NIT2: variants seen among roughly 807,000 people sequenced by gnomAD.
NIT2 encodes omega-amidase NIT2.
NIT2 carries 46 observed loss-of-function variants against 42.7 expected under a neutral mutation model. That is an observed-to-expected ratio of 1.08 (90% CI 0.85 to 1.38). The LOEUF (loss-of-function observed/expected upper bound fraction) is 1.38. Among genes scored for constraint, NIT2 ranks in the 40% most tolerant of loss-of-function variants. The pLI, the probability that NIT2 is intolerant of heterozygous loss-of-function variation, is 0.00. For missense variants in NIT2, 309 were observed against 342.5 expected, an observed-to-expected ratio of 0.90 and a Z score of 0.77; for synonymous variants, 123 against 121.9, an observed-to-expected ratio of 1.01 and a Z score of -0.06.
chr3:100,356,672 A>G lies in NIT2; in HGVS notation c.*1404A>G, dbSNP rs1706327969. 6.6e-6 allele frequency: 1 copy of G among 152,232 alleles called. No homozygotes were observed. 9.4% of individuals were successfully genotyped at this position (152,232 alleles called of 1,614,324 possible). Reference sequence around the variant, plus strand: ...AATTGATGCATAATTTTACTTTAAAAAAATAAGTGTGCAATTTGGTAAACT... The same window carrying G: ...AATTGATGCATAATTTTACTTTAAAGAAATAAGTGTGCAATTTGGTAAACT... On this transcript the variant is annotated 3_prime_UTR_variant, in exon 10 of 10. Transcript: ENST00000394140.
Position 100,357,988 on chromosome 3 carries a change from G to T in NIT2, c.*2720G>T, listed in dbSNP as rs1243865571. 6.6e-6 allele frequency: 1 copy of T among 152,104 alleles called. No homozygotes were observed. Among genetic ancestry groups the T allele is most frequent in the South Asian group, 2.1e-4 (1 of 4,834 alleles). 9.4% of individuals were successfully genotyped at this position (152,104 alleles called of 1,614,324 possible). ...AAATGGGGTTTCACCATGTTGGCCA[G>T]TCTGATCTCGAACTCCTGGCCTCAA... is the stretch of plus-strand genomic sequence containing the variant. On this transcript the variant is annotated 3_prime_UTR_variant, in exon 10 of 10. Coordinates refer to ENST00000394140, the MANE Select transcript of NIT2 (RefSeq NM_020202.5).
chr3:100,342,107 A>G (rs1271744888), intron 4 of NIT2, among the ~76,000 whole-genome samples: 1 of 152,032 alleles, frequency 6.6e-6, no homozygotes, highest in African/African-American at 2.4e-5. Flanking sequence ...CCCTTTTATC[A>G]TTATGAAATA....
intron 6 of NIT2, among the ~76,000 whole-genome samples, chr3:100,347,717 C>T (rs1373059321): frequency 6.6e-6 from 1 of 152,232 alleles, no homozygotes; most frequent in East Asian, 1.9e-4. Flanking sequence ...TGACCTTGAC[C>T]CCAGCCAGTG....
intron 6 of NIT2, among the ~76,000 whole-genome samples, chr3:100,347,565 GAC>G (rs1331103571): frequency 2.4e-4 from 36 of 152,080 alleles, no homozygotes; most frequent in Non-Finnish European, 2.9e-4. Flanking sequence ...AAGTAGCTGG[GAC>G]TCTAGGCATG....
intron 2 of NIT2, among the ~76,000 whole-genome samples, 200 bp downstream of exon 2, chr3:100,339,405 G>A (rs753310412): frequency 2.0e-5 from 3 of 152,120 alleles, no homozygotes; most frequent in Non-Finnish European, 4.4e-5. Context: ...TAGGTCTTTA[G>A]GTTTTGGATC....
rs369351944 is a variant in NIT2, at chr3:100,360,590, G to T, written c.*5322G>T. 2.0e-5 allele frequency: 3 copies of T among 152,138 alleles called. No individual in the cohort carries two copies. The highest frequency in any genetic ancestry group is 7.2e-5 in the African/African-American group (3 of 41,424). The allele number at this position is 152,138 out of a possible 1,614,324, so 9.4% of individuals were successfully genotyped here. A position where few individuals can be genotyped will look rare whatever the true frequency, so the allele number is the denominator to read the frequency against. The stretch of plus-strand genomic sequence containing the variant: ...TAAACTGTATCAAAAAAAAAATGCA[G>T]TATTGATTTAGAGCTAAGGTCACCT... On this transcript the variant is annotated 3_prime_UTR_variant, in exon 10 of 10. Transcript: ENST00000394140.
chr3:100,356,235 G>A lies in NIT2; in HGVS notation c.*967G>A, dbSNP rs1706324097. Reference sequence around the variant, plus strand: ...GACTTCAATGGGTTTTTGCTTACATGGGCCAGTAATTGTTGAACAACCAGC... The same window carrying A: ...GACTTCAATGGGTTTTTGCTTACATAGGCCAGTAATTGTTGAACAACCAGC... On this transcript the variant is annotated 3_prime_UTR_variant, in exon 10 of 10. Coordinates refer to ENST00000394140, the MANE Select transcript of NIT2 (RefSeq NM_020202.5). 6.6e-6 allele frequency: 1 copy of A among 152,092 alleles called. No homozygotes were observed. The highest frequency in any genetic ancestry group is 2.4e-5 in the African/African-American group (1 of 41,402). 9.4% of individuals were successfully genotyped at this position (152,092 alleles called of 1,614,324 possible).
rs886645084 is a variant in NIT2, at chr3:100,360,909, A to G, written c.*5641A>G. ...AAAATAGTGTTTCCCTCTAATGCGA[A>G]AGTCAGGCCAGTTTGCTTGTGACCT... On this transcript the variant is annotated 3_prime_UTR_variant, in exon 10 of 10. Transcript: ENST00000394140. 6.6e-6 allele frequency: 1 copy of G among 152,214 alleles called. No homozygotes were observed. The highest frequency in any genetic ancestry group is 2.4e-5 in the African/African-American group (1 of 41,458). The allele number at this position is 152,214 out of a possible 1,614,324, so 9.4% of individuals were successfully genotyped here. A position where few individuals can be genotyped will look rare whatever the true frequency, so the allele number is the denominator to read the frequency against.
chr3:100,334,957 T>TGGACGGGC, intron 1 of NIT2, 159 bp downstream of exon 1: 1 of 717,666 alleles, frequency 1.4e-6, no homozygotes, highest in South Asian at 2.3e-5. Flanking sequence ...CGGGATCGCG[T>TGGACGGGC]GGCCGGGCGG....
intron 3 of NIT2, 130 bp from the exon 4 acceptor site, chr3:100,340,943 A>C: frequency 1.6e-6 from 1 of 634,736 alleles, no homozygotes; most frequent in Non-Finnish European, 2.8e-6. Flanking sequence ...TTCTAAAAAC[A>C]AAATGAATAA....
At chr3:100,354,900 A>G (rs936143021) in intron 9 of NIT2, 73 bp downstream of exon 9, 8 of 1,287,380 alleles carry the variant, frequency 6.2e-6, no homozygotes, top group African/African-American at 4.5e-5. Context: ...ATGGCTGGGA[A>G]GTCCCTGTCA....
intron 4 of NIT2, among the ~76,000 whole-genome samples, chr3:100,344,913 T>C (rs1175703414): frequency 1.3e-5 from 2 of 151,420 alleles, no homozygotes; most frequent in African/African-American, 4.9e-5. Context: ...ACTTTCCACC[T>C]CTCCTGTCAA....
chr3:100,353,888 T>G (rs1403870043), intron 8 of NIT2, among the ~76,000 whole-genome samples: 2 of 151,762 alleles, frequency 1.3e-5, no homozygotes, highest in African/African-American at 4.8e-5. Context: ...GCCATTCTCC[T>G]GCCTCAGCCT....
In NIT2 at chr3:100,355,255, T is replaced by C; in HGVS notation, c.818T>C (p.Met273Thr). The C allele has an allele frequency of 6.2e-7, 1 of 1,613,320 alleles. No individual in the cohort carries two copies. Among genetic ancestry groups the C allele is most frequent in the Non-Finnish European group, 8.5e-7 (1 of 1,179,378 alleles). Residue 273 changes from methionine to threonine, a missense_variant, in exon 10 of 10, where the codon ATG (methionine) becomes ACG (threonine). Coordinates refer to ENST00000394140, the MANE Select transcript of NIT2 (RefSeq NM_020202.5). ...CGATCAGACCTCTATGCTGTGGAGA[T>C]GAAAAAGCCCTAAAGTTTATGTTTC... ...QKRSDLYAVEMKKP is the reference protein window; with the variant it reads ...QKRSDLYAVETKKP
intron 1 of NIT2, among the ~76,000 whole-genome samples, chr3:100,338,163 T>C (rs552468491): frequency 2.0e-5 from 3 of 152,306 alleles, no homozygotes; most frequent in African/African-American, 7.2e-5. Flanking sequence ...GATGTATAGC[T>C]ACTACCTCCA....
At chr3:100,337,005 G>A (rs1359800326) in intron 1 of NIT2, among the ~76,000 whole-genome samples, 1 of 152,236 alleles carries the variant, frequency 6.6e-6, no homozygotes, top group Admixed American at 6.5e-5. Context: ...CTTCCGCAGT[G>A]TTTGTGTCCC....
rs145535080 is a variant in NIT2, at chr3:100,345,542, C to A, written c.337-43C>A. 5.3e-3 allele frequency: 7,084 copies of A among 1,333,770 alleles called. 38 individuals are homozygous for A. Among genetic ancestry groups the A allele is most frequent in the South Asian group, 8.4e-3 (697 of 82,866 alleles). The allele number at this position is 1,333,770 out of a possible 1,614,324, so 82.6% of individuals were successfully genotyped here. A position where few individuals can be genotyped will look rare whatever the true frequency, so the allele number is the denominator to read the frequency against. On this transcript the variant is annotated intron_variant, in intron 4 of 9. Transcript: ENST00000394140. Reference sequence around the variant, plus strand: ...AGATATTGTCATTACTGCCATGGACCCTGCTGGAAAAGAGGTAACCAAATC... The same window carrying A: ...AGATATTGTCATTACTGCCATGGACACTGCTGGAAAAGAGGTAACCAAATC...
intron 3 of NIT2, among the ~76,000 whole-genome samples, chr3:100,340,727 AAGTGTT>A (rs1706140229): frequency 6.6e-6 from 1 of 152,208 alleles, no homozygotes; most frequent in Non-Finnish European, 1.5e-5. Context: ...GTTACAGATT[AAGTGTT>A]ACTCAAGATC....
intron 4 of NIT2, among the ~76,000 whole-genome samples, chr3:100,344,375 T>G (rs1206169598): frequency 6.6e-6 from 1 of 152,208 alleles, no homozygotes; most frequent in Non-Finnish European, 1.5e-5. Flanking sequence ...TTGTCCAGAG[T>G]TCATAGTTAA....
Sources: allele counts gnomAD v4.1 joint callset (sites outside exome capture counted in the v4.1 genomes callset), GRCh38; gene constraint gnomAD v4.1.1; transcripts MANE v1.5; gene names NCBI Gene and HGNC (gene_info 2026-07-23, HGNC 2026-07-21).